WFDC11: variants seen among roughly 807,000 people sequenced by gnomAD.
WFDC11 encodes WAP four-disulfide core domain 11, also known as protein WFDC11.
Under a neutral mutation model 9.9 loss-of-function variants are expected in WFDC11, and 9 were observed. That is an observed-to-expected ratio of 0.91 (90% CI 0.55 to 1.58). The LOEUF is 1.58. WFDC11 is among the 40% of genes most tolerant of loss of function. The pLI, the probability that WFDC11 is intolerant of heterozygous loss-of-function variation, is 0.00. For synonymous variants in WFDC11, 32 were observed against 33.3 expected (o/e 0.96, Z 0.13); for missense variants, 106 against 101.7 (o/e 1.04, Z -0.18).
chr20:45,654,895 C>T (rs963952299), intron 2 of WFDC11, among the ~76,000 whole-genome samples: 7 of 152,154 alleles, frequency 4.6e-5, no homozygotes, highest in African/African-American at 1.2e-4. Flanking sequence ...GAAGTTGAAT[C>T]GCTGAATAGA....
intron 1 of WFDC11, among the ~76,000 whole-genome samples, chr20:45,668,954 C>A (rs1407534121): frequency 6.6e-6 from 1 of 152,116 alleles, no homozygotes; most frequent in Non-Finnish European, 1.5e-5. Flanking sequence ...TCAATCTGTG[C>A]ATAAATATTA....
rs1029242886 is a variant in WFDC11, at chr20:45,653,288, A to G, written c.-51-2637T>C. ...GGGCCAATATTCAACATTCTTAAAGAAAAGAGTTTTCAACCCAGAATTTCA... is the reference window on the plus strand; with the variant it reads ...GGGCCAATATTCAACATTCTTAAAGGAAAGAGTTTTCAACCCAGAATTTCA... On this transcript the variant is annotated intron_variant, in intron 2 of 4. Coordinates refer to ENST00000324384, the MANE Select transcript of WFDC11 (RefSeq NM_147197.2). 5.3e-5 allele frequency among the ~76,000 whole-genome samples: 8 copies of G among 152,324 alleles called. 1 individual carries two copies. The highest frequency in any genetic ancestry group is 1.7e-4 in the African/African-American group (7 of 41,574).
At chr20:45,657,714 A>T (rs1982967940) in intron 2 of WFDC11, among the ~76,000 whole-genome samples, 1 of 152,190 alleles carries the variant, frequency 6.6e-6, no homozygotes, top group Non-Finnish European at 1.5e-5. Context: ...ATCCATGCTT[A>T]ATTTTTCTCT....
At chr20:45,652,215 G>A (rs553709466) in intron 2 of WFDC11, among the ~76,000 whole-genome samples, 2 of 152,244 alleles carry the variant, frequency 1.3e-5, no homozygotes, top group South Asian at 4.1e-4. Context: ...CACACAGCTG[G>A]GTACTCCTCT....
Position 45,650,591 on chromosome 20 carries a change from G to C in WFDC11, c.10C>G (p.Leu4Val). Reference sequence around the variant, plus strand: ...AGCATGGGTATCCAGAGCTTCATGAGGCTGACCATATGTGTCTGAATATGT... The same window carrying C: ...AGCATGGGTATCCAGAGCTTCATGACGCTGACCATATGTGTCTGAATATGT... MVS[L>V]MKLWIPMLMT... Residue 4 changes from leucine (L) to valine (V), a missense_variant, in exon 3 of 5, where the codon CTC becomes GTC. By Grantham distance (32) the Leu-to-Val change is conservative. Coordinates refer to ENST00000324384, the MANE Select transcript of WFDC11 (RefSeq NM_147197.2). 1.9e-6 allele frequency: 3 copies of C among 1,613,908 alleles called. No homozygotes were observed. Among genetic ancestry groups the C allele is most frequent in the Non-Finnish European group, 1.7e-6 (2 of 1,179,820 alleles).
chr20:45,648,904 A>G (rs1982741462), intron 4 of WFDC11, among the ~76,000 whole-genome samples, 165 bp from the exon 5 acceptor site: 2 of 152,232 alleles, frequency 1.3e-5, no homozygotes, highest in African/African-American at 4.8e-5. Context: ...ATTGGACAAA[A>G]AAAGGTGGAG....
At chr20:45,664,512 C>A (rs1233446194) in intron 2 of WFDC11, among the ~76,000 whole-genome samples, 1 of 152,148 alleles carries the variant, frequency 6.6e-6, no homozygotes, top group East Asian at 1.9e-4. Context: ...TCTTCATAGC[C>A]TTCATGGTCT....
intron 2 of WFDC11, among the ~76,000 whole-genome samples, chr20:45,661,985 T>A (rs1190709496): frequency 6.6e-6 from 1 of 152,332 alleles, no homozygotes; most frequent in African/African-American, 2.4e-5. Flanking sequence ...GTGGATGGCA[T>A]TGAATCTATA....
chr20:45,655,615 T>A (rs573368154), intron 2 of WFDC11, among the ~76,000 whole-genome samples: 6 of 152,180 alleles, frequency 3.9e-5, no homozygotes, highest in Admixed American at 2.6e-4. Flanking sequence ...ATAAATGGTA[T>A]TCAGTTAGGA....
At chr20:45,665,772 G>T (rs1321321530) in intron 2 of WFDC11, among the ~76,000 whole-genome samples, 1 of 152,152 alleles carries the variant, frequency 6.6e-6, no homozygotes, top group Non-Finnish European at 1.5e-5. Flanking sequence ...AAATATTGCT[G>T]CCTGATCCTT....
intron 2 of WFDC11, among the ~76,000 whole-genome samples, chr20:45,661,420 A>G (rs1254915930): frequency 1.3e-5 from 2 of 151,462 alleles, no homozygotes; most frequent in Admixed American, 6.6e-5. Context: ...TCTTTAGTTT[A>G]ATTAGATCCC....
intron 1 of WFDC11, among the ~76,000 whole-genome samples, chr20:45,667,924 G>A (rs916504044): frequency 3.3e-5 from 5 of 152,222 alleles, no homozygotes; most frequent in Admixed American, 6.5e-5. Flanking sequence ...AATTCACTAT[G>A]AGTCAAATAT....
intron 2 of WFDC11, among the ~76,000 whole-genome samples, chr20:45,651,218 C>A (rs12479752): frequency 0.014 from 2,122 of 152,246 alleles, 85 homozygotes; most frequent in Admixed American, 0.098. Flanking sequence ...TTATTGAACA[C>A]CTACTATGTG....
intron 2 of WFDC11, among the ~76,000 whole-genome samples, chr20:45,663,775 C>T (rs1244576567): frequency 2.0e-5 from 3 of 152,210 alleles, no homozygotes; most frequent in Non-Finnish European, 2.9e-5. Flanking sequence ...AATTTGGTTG[C>T]ACTGTGGTCT....
intron 2 of WFDC11, among the ~76,000 whole-genome samples, chr20:45,652,622 A>G (rs1982833752): frequency 6.6e-6 from 1 of 151,974 alleles, no homozygotes; most frequent in Non-Finnish European, 1.5e-5. Flanking sequence ...TCAGACGATC[A>G]AACTACTCTG....
intron 2 of WFDC11, among the ~76,000 whole-genome samples, chr20:45,656,535 T>C (rs982169953): frequency 3.9e-5 from 6 of 152,160 alleles, no homozygotes; most frequent in Non-Finnish European, 1.5e-5. Flanking sequence ...GGCAAGGACT[T>C]CATGACTAAA....
intron 2 of WFDC11, among the ~76,000 whole-genome samples, chr20:45,656,797 G>A (rs1267493687): frequency 6.6e-6 from 1 of 152,190 alleles, no homozygotes; most frequent in Non-Finnish European, 1.5e-5. Context: ...CTTCTCAAAA[G>A]AAGACATTTA....
intron 3 of WFDC11, among the ~76,000 whole-genome samples, chr20:45,649,618 C>T (rs1335800871): frequency 6.6e-6 from 1 of 152,176 alleles, no homozygotes; most frequent in Non-Finnish European, 1.5e-5. Context: ...ACTTCTTTTC[C>T]TTCTCGACCT....
At chr20:45,648,770 G>T (rs147967074) in intron 4 of WFDC11, 31 bp from the exon 5 acceptor site, 1 of 1,612,310 alleles carries the variant, frequency 6.2e-7, no homozygotes, top group Non-Finnish European at 8.5e-7. Flanking sequence ...ATTTTTAGAG[G>T]CTAGAGAACT....
Sources: allele counts gnomAD v4.1 joint callset (sites outside exome capture counted in the v4.1 genomes callset), GRCh38; gene constraint gnomAD v4.1.1; transcripts MANE v1.5; gene names NCBI Gene and HGNC (gene_info 2026-07-23, HGNC 2026-07-21).